The following SUPT3H variants were observed in gnomAD, a reference collection of about 807,000 sequenced individuals.
The protein encoded by SUPT3H is SPT3 homolog, SAGA and STAGA complex component.
SUPT3H carries 44 observed loss-of-function variants against 44.3 expected under a neutral mutation model. That is an observed-to-expected ratio of 0.99 (90% CI 0.78 to 1.28). The LOEUF (loss-of-function observed/expected upper bound fraction) is 1.28. Among genes scored for constraint, SUPT3H ranks in the 50% most tolerant of loss-of-function variants. The probability of loss-of-function intolerance (pLI) is 0.00; values close to 1 mark genes in which losing one functional copy is unlikely to be tolerated. For missense variants in SUPT3H, 380 were observed against 387.1 expected (o/e 0.98, Z 0.15); for synonymous variants, 124 against 125.6 (o/e 0.99, Z 0.09).
chr6:45,188,462 A>G (rs1348497055), intron 2 of SUPT3H, among the ~76,000 whole-genome samples: 2 of 152,258 alleles, frequency 1.3e-5, no homozygotes, highest in Non-Finnish European at 2.9e-5. Flanking sequence ...TGTGGAAGAC[A>G]TGAACAGAAA....
chr6:45,341,546 A>G (rs1789775259), intron 2 of SUPT3H, among the ~76,000 whole-genome samples: 1 of 152,216 alleles, frequency 6.6e-6, no homozygotes, highest in Admixed American at 6.5e-5. Flanking sequence ...AAATTTTCAT[A>G]TTAGTTTTCA....
intron 6 of SUPT3H, among the ~76,000 whole-genome samples, chr6:44,969,365 AATT>A (rs1258701246): frequency 2.0e-5 from 3 of 152,204 alleles, no homozygotes; most frequent in Non-Finnish European, 2.9e-5. Flanking sequence ...CTGGAGGTGA[AATT>A]ATAGGTAACT....
At chr6:45,091,200 T>C (rs72869114) in intron 3 of SUPT3H, among the ~76,000 whole-genome samples, 2,216 of 152,130 alleles carry the variant, frequency 0.015, 25 homozygotes, top group South Asian at 0.029. Context: ...TGTTAAAGAA[T>C]GCTATTCTCT....
At chr6:45,325,760 C>T (rs1467917614) in intron 2 of SUPT3H, among the ~76,000 whole-genome samples, 2 of 151,818 alleles carry the variant, frequency 1.3e-5, no homozygotes, top group South Asian at 2.1e-4. Context: ...CTCTTCACCA[C>T]GTGTAGTAAG....
In SUPT3H at chr6:45,015,184, T is replaced by C. The variant is rs112331497; in HGVS notation, c.274-293A>G. Among the ~76,000 whole-genome samples the C allele has an allele frequency of 2.2e-3, 331 of 152,250 alleles. 1 individual carries two copies. The highest frequency in any genetic ancestry group is 7.6e-3 in the African/African-American group (316 of 41,566). Reference sequence around the variant, plus strand: ...AGAAATGCCTCCTCAGGAGACTTCATCGTTTTGTGAACATCACTGAATACA... The same window carrying C: ...AGAAATGCCTCCTCAGGAGACTTCACCGTTTTGTGAACATCACTGAATACA... On this transcript the variant is annotated intron_variant, in intron 4 of 10. Coordinates refer to ENST00000371459, the MANE Select transcript of SUPT3H (RefSeq NM_003599.4).
chr6:45,228,811 T>C (rs991753553), intron 2 of SUPT3H, among the ~76,000 whole-genome samples: 2 of 152,118 alleles, frequency 1.3e-5, no homozygotes, highest in Non-Finnish European at 2.9e-5. Context: ...GGCTAATTTT[T>C]GTATTTTTAG....
At chr6:44,919,148 G>A (rs2153456016) in intron 10 of SUPT3H, among the ~76,000 whole-genome samples, 1 of 152,280 alleles carries the variant, frequency 6.6e-6, no homozygotes, top group Admixed American at 6.5e-5. Flanking sequence ...CTCTCATTAC[G>A]TTCCTTACAG....
chr6:45,232,500 G>A (rs781377890), intron 2 of SUPT3H, among the ~76,000 whole-genome samples: 15 of 152,190 alleles, frequency 9.9e-5, no homozygotes, highest in Non-Finnish European at 1.6e-4. Context: ...TGGTATGAGG[G>A]TATTACTGGG....
intron 2 of SUPT3H, among the ~76,000 whole-genome samples, chr6:45,292,885 G>A (rs1780542385): frequency 6.6e-6 from 1 of 150,896 alleles, no homozygotes; most frequent in African/African-American, 2.4e-5. Context: ...CACAATAATA[G>A]TGGGGGACTT....
chr6:44,993,578 C>T (rs79319638), intron 6 of SUPT3H, among the ~76,000 whole-genome samples: 3,530 of 152,152 alleles, frequency 0.023, 85 homozygotes, highest in South Asian at 0.097. Flanking sequence ...AAGTCACAGA[C>T]GGAAATCACT....
intron 9 of SUPT3H, among the ~76,000 whole-genome samples, chr6:44,936,828 G>C (rs930589693): frequency 6.6e-6 from 1 of 151,912 alleles, no homozygotes; most frequent in Non-Finnish European, 1.5e-5. Flanking sequence ...TACCGCACCT[G>C]GCTTATTTTT....
intron 2 of SUPT3H, among the ~76,000 whole-genome samples, chr6:45,151,714 A>G (rs1372801491): frequency 6.6e-6 from 1 of 152,182 alleles, no homozygotes; most frequent in East Asian, 1.9e-4. Flanking sequence ...AAATCAAAGT[A>G]TTTTTAAAAT....
intron 3 of SUPT3H, among the ~76,000 whole-genome samples, chr6:45,104,655 T>A (rs1166326945): frequency 6.6e-6 from 1 of 152,030 alleles, no homozygotes; most frequent in Non-Finnish European, 1.5e-5. Context: ...AGCTGTTACA[T>A]AATTATAGAA....
rs566267170 is a variant in SUPT3H, at chr6:45,001,063, A to C, written c.504+2590T>G. ...GACCACAGTTCCTCACTGACAAGAA[A>C]ACTCAAAGCTATTTGAAGCTTTCAG... On this transcript the variant is annotated intron_variant, in intron 6 of 10. Transcript: ENST00000371459. Among the ~76,000 whole-genome samples, 3 of 152,186 alleles carry C rather than the reference A, an allele frequency of 2.0e-5. No homozygotes were observed. The South Asian group carries it at 6.2e-4, about 32-fold the overall frequency.
At chr6:45,093,952 T>C (rs1797464442) in intron 3 of SUPT3H, among the ~76,000 whole-genome samples, 1 of 152,164 alleles carries the variant, frequency 6.6e-6, no homozygotes, top group Non-Finnish European at 1.5e-5. Flanking sequence ...AGCAGCCACA[T>C]AGCCATCAGA....
chr6:44,845,768 G>A (rs1288474936), intron 10 of SUPT3H, among the ~76,000 whole-genome samples: 1 of 152,146 alleles, frequency 6.6e-6, no homozygotes, highest in Non-Finnish European at 1.5e-5. Flanking sequence ...TGAGCAACCC[G>A]ACACCAGGGG....
chr6:45,275,430 C>A (rs1776857435), intron 2 of SUPT3H, among the ~76,000 whole-genome samples: 1 of 152,062 alleles, frequency 6.6e-6, no homozygotes, highest in African/African-American at 2.4e-5. Flanking sequence ...TAAAAGTGTT[C>A]TTTTTAAAAT....
chr6:45,330,117 C>CA (rs535852435), intron 2 of SUPT3H, among the ~76,000 whole-genome samples: 133 of 149,964 alleles, frequency 8.9e-4, no homozygotes, highest in African/African-American at 2.2e-3. Context: ...TTGTATTTTA[C>CA]AAAAAAAAAT....
chr6:45,119,802 C>A (rs1438656813), intron 2 of SUPT3H, among the ~76,000 whole-genome samples: 1 of 150,668 alleles, frequency 6.6e-6, no homozygotes, highest in East Asian at 1.9e-4. Flanking sequence ...GCATTTGGGG[C>A]CAAGTAAAAA....
Sources: allele counts gnomAD v4.1 joint callset (sites outside exome capture counted in the v4.1 genomes callset), GRCh38; gene constraint gnomAD v4.1.1; transcripts MANE v1.5; gene names NCBI Gene and HGNC (gene_info 2026-07-23, HGNC 2026-07-21).